The following SCLT1 variants were observed in gnomAD, a reference collection of about 807,000 sequenced individuals.
The protein encoded by SCLT1 is sodium channel and clathrin linker 1.
Under a neutral mutation model 112.8 loss-of-function variants are expected in SCLT1, and 78 were observed. The ratio of observed to expected loss-of-function variants is 0.69; its 90% CI spans 0.58 to 0.83. The LOEUF (loss-of-function observed/expected upper bound fraction) is 0.83. Ranked by LOEUF, SCLT1 falls within the 40% of genes least tolerant of loss-of-function variation. SCLT1 has a pLI of 0.00. For synonymous variants in SCLT1, 257 were observed against 254.7 expected, an observed-to-expected ratio of 1.01 and a Z score of -0.09; for missense variants, 747 against 770.4, an observed-to-expected ratio of 0.97 and a Z score of 0.36.
At chr4:129,076,736 G>A (rs1205573837) in intron 2 of SCLT1, among the ~76,000 whole-genome samples, 1 of 151,946 alleles carries the variant, frequency 6.6e-6, no homozygotes, top group Non-Finnish European at 1.5e-5. Flanking sequence ...TTTCCACTAA[G>A]CTTCTTAAGC....
chr4:129,020,381 C>G (rs1745359160), intron 5 of SCLT1, among the ~76,000 whole-genome samples: 1 of 152,198 alleles, frequency 6.6e-6, no homozygotes, highest in Admixed American at 6.5e-5. Flanking sequence ...ATAGCATGCA[C>G]TATTCTGTGC....
chr4:128,878,748 A>C (rs547987930), intron 3 of SCLT1, among the ~76,000 whole-genome samples: 2 of 152,328 alleles, frequency 1.3e-5, no homozygotes, highest in African/African-American at 4.8e-5. Flanking sequence ...CTTTCAAAAG[A>C]GGTATTAAGC....
At chr4:129,050,698 A>G (rs1748698904) in intron 2 of SCLT1, among the ~76,000 whole-genome samples, 1 of 152,090 alleles carries the variant, frequency 6.6e-6, no homozygotes, top group South Asian at 2.1e-4. Flanking sequence ...CACTCTGATG[A>G]TAGTTGCTTT....
At chr4:128,992,023 A>G in intron 9 of SCLT1, 144 bp downstream of exon 9, 1 of 584,502 alleles carries the variant, frequency 1.7e-6, no homozygotes, top group Non-Finnish European at 3.0e-6. Flanking sequence ...TCCCATCCTA[A>G]CAGATCATAT....
chr4:129,026,719 A>G (rs1746126695), intron 5 of SCLT1, among the ~76,000 whole-genome samples: 1 of 152,228 alleles, frequency 6.6e-6, no homozygotes, highest in Non-Finnish European at 1.5e-5. Flanking sequence ...ACTGAAGGAA[A>G]CAGAGACACA....
intron 2 of SCLT1, among the ~76,000 whole-genome samples, chr4:129,046,256 ACACAAGT>A (rs1286477832): frequency 1.3e-5 from 2 of 152,142 alleles, no homozygotes; most frequent in African/African-American, 4.8e-5. Flanking sequence ...GTTCTGATAC[ACACAAGT>A]TTCAGTTAAC....
intron 18 of SCLT1, among the ~76,000 whole-genome samples, chr4:128,932,958 A>ATAAT (rs1385449026): frequency 5.9e-5 from 9 of 152,196 alleles, no homozygotes; most frequent in African/African-American, 1.9e-4. Flanking sequence ...GAAGGCACAA[A>ATAAT]TAATTGGAAA....
rs1315058733 is a variant in SCLT1 at position 128,884,636 on chromosome 4, A to G, written c.2005-97T>C. 4.0e-6 allele frequency: 3 copies of G among 757,702 alleles called. No individual in the cohort carries two copies. The East Asian group carries it at 7.6e-5, about 19-fold the overall frequency. 46.9% of individuals were successfully genotyped at this position (757,702 alleles called of 1,614,324 possible). A position where few individuals can be genotyped will look rare whatever the true frequency, so the allele number is the denominator to read the frequency against. On this transcript the variant is annotated intron_variant, in intron 20 of 20. Transcript: ENST00000281142. The stretch of plus-strand genomic sequence containing the variant: ...ATGCATCACAACCTATAAGTACTGA[A>G]ATGGTCTTATTGGAAAGGGTTTTGT...
chr4:129,025,343 C>T (rs1344163627), intron 5 of SCLT1, among the ~76,000 whole-genome samples: 14 of 152,152 alleles, frequency 9.2e-5, no homozygotes, highest in African/African-American at 2.7e-4. Context: ...AGACTAACAG[C>T]GGATCTCTTG....
At chr4:129,021,743 C>A (rs574624405) in intron 5 of SCLT1, among the ~76,000 whole-genome samples, 2 of 152,202 alleles carry the variant, frequency 1.3e-5, no homozygotes, top group African/African-American at 4.8e-5. Flanking sequence ...CAGATTTAAT[C>A]GTTCCTGCCT....
chr4:129,034,891 G>T (rs1040481413), intron 5 of SCLT1, among the ~76,000 whole-genome samples: 15 of 152,030 alleles, frequency 9.9e-5, no homozygotes, highest in Non-Finnish European at 2.1e-4. Context: ...GGCCAGATTT[G>T]ACCCACAAGC....
chr4:128,893,750 C>T (rs1164175605), intron 18 of SCLT1, among the ~76,000 whole-genome samples: 1 of 152,144 alleles, frequency 6.6e-6, no homozygotes, highest in Non-Finnish European at 1.5e-5. Context: ...ACCATATTAG[C>T]CAGGATGGTC....
intron 6 of SCLT1, among the ~76,000 whole-genome samples, chr4:129,002,484 A>C (rs1743588197): frequency 6.6e-6 from 1 of 152,114 alleles, no homozygotes; most frequent in South Asian, 2.1e-4. Context: ...TATCAGAAAA[A>C]AGAACACTGA....
chr4:128,970,591 G>T, intron 9 of SCLT1, 123 bp from the exon 10 acceptor site: 1 of 626,458 alleles, frequency 1.6e-6, no homozygotes. Flanking sequence ...TGGATCCATG[G>T]AATAAATTTT....
rs73850035 is a variant in SCLT1 at position 128,927,878 on chromosome 4, C to T, written c.1829+8777G>A. On this transcript the variant is annotated intron_variant, in intron 18 of 20. Coordinates refer to ENST00000281142, the MANE Select transcript of SCLT1 (RefSeq NM_144643.4). Reference sequence around the variant, plus strand: ...TGAGAAACTCTGATAAGAGTGATAACAAAAAAAAGAGACAAGGTACAATAA... The same window carrying T: ...TGAGAAACTCTGATAAGAGTGATAATAAAAAAAAGAGACAAGGTACAATAA... Among the ~76,000 whole-genome samples, 546 of 150,130 alleles carry T rather than the reference C, an allele frequency of 3.6e-3. 1 individual carries two copies. The highest frequency in any genetic ancestry group is 0.011 in the African/African-American group (447 of 40,860).
In SCLT1 at chr4:128,903,832, G is replaced by A. The variant is rs145165644; in HGVS notation, c.1830-12695C>T. On this transcript the variant is annotated intron_variant, in intron 18 of 20. Coordinates refer to ENST00000281142, the MANE Select transcript of SCLT1 (RefSeq NM_144643.4). ...AAGGAAAGACCCGGGAGGATGATTC[G>A]ACTCTTTGTTATCTACAAGACATTT... 4.6e-3 allele frequency among the ~76,000 whole-genome samples: 699 copies of A among 152,146 alleles called. 2 individuals are homozygous for A. Among genetic ancestry groups the A allele is most frequent in the Non-Finnish European group, 8.0e-3 (544 of 67,978 alleles).
intron 18 of SCLT1, among the ~76,000 whole-genome samples, chr4:128,928,231 T>C (rs1021596958): frequency 1.3e-5 from 2 of 152,052 alleles, no homozygotes; most frequent in Admixed American, 6.6e-5. Flanking sequence ...CCGTAAAATA[T>C]ACGAGATTAC....
At chr4:129,003,306 G>A (rs192818850) in intron 6 of SCLT1, among the ~76,000 whole-genome samples, 1 of 151,986 alleles carries the variant, frequency 6.6e-6, no homozygotes, top group Admixed American at 6.6e-5. Flanking sequence ...CTAGGGGAGG[G>A]ATAGCATTAG....
chr4:129,043,472 A>C lies in SCLT1; in HGVS notation c.162-5T>G, dbSNP rs1747890408. On this transcript the variant is annotated splice_region_variant and splice_polypyrimidine_tract_variant and intron_variant, in intron 3 of 20. Transcript: ENST00000281142. Reference sequence around the variant, plus strand: ...GTAACAAGAGGAGCTAAAAAGCTAAAAAAAGACAATAAAAATATAGCATAT... The same window carrying C: ...GTAACAAGAGGAGCTAAAAAGCTAACAAAAGACAATAAAAATATAGCATAT... 7.3e-7 allele frequency: 1 copy of C among 1,376,948 alleles called. No individual in the cohort carries two copies. The highest frequency in any genetic ancestry group is 1.5e-5 in the African/African-American group (1 of 68,850). 85.3% of individuals were successfully genotyped at this position (1,376,948 alleles called of 1,614,324 possible).
Sources: allele counts gnomAD v4.1 joint callset (sites outside exome capture counted in the v4.1 genomes callset), GRCh38; gene constraint gnomAD v4.1.1; transcripts MANE v1.5; gene names NCBI Gene and HGNC (gene_info 2026-07-23, HGNC 2026-07-21).